RFLNA: variants seen among roughly 807,000 people sequenced by gnomAD.
The protein encoded by RFLNA is refilin-A.
Under a neutral mutation model 7.8 loss-of-function variants are expected in RFLNA, and 5 were observed. The observed-to-expected ratio is 0.64, with a 90% CI of 0.34 to 1.35. RFLNA has a LOEUF of 1.35. RFLNA is among the 40% of genes most tolerant of loss of function. The pLI is 0.04. For missense variants in RFLNA, 278 were observed against 305.5 expected, an observed-to-expected ratio of 0.91 and a Z score of 0.67; for synonymous variants, 141 against 131.3, an observed-to-expected ratio of 1.07 and a Z score of -0.50.
intron 1 of RFLNA, among the ~76,000 whole-genome samples, chr12:124,296,939 C>G (rs2033939745): frequency 6.6e-6 from 1 of 152,166 alleles, no homozygotes; most frequent in Admixed American, 6.5e-5. Context: ...TTTATGGGAG[C>G]CTGGCGGGTG....
At chr12:124,309,389 G>C (rs926086642) in intron 1 of RFLNA, among the ~76,000 whole-genome samples, 4 of 152,202 alleles carry the variant, frequency 2.6e-5, no homozygotes, top group African/African-American at 9.6e-5. Flanking sequence ...GCTGCGACGA[G>C]GCCAGGAGAG....
chr12:124,315,270 C>T lies in RFLNA; in HGVS notation c.*745C>T. 6.4e-6 allele frequency: 1 copy of T among 155,412 alleles called. No individual in the cohort carries two copies. Among genetic ancestry groups the T allele is most frequent in the South Asian group, 2.0e-4 (1 of 4,956 alleles). The allele number at this position is 155,412 out of a possible 1,614,324, so 9.6% of individuals were successfully genotyped here. A position where few individuals can be genotyped will look rare whatever the true frequency, so the allele number is the denominator to read the frequency against. ...GCCCGTCGAAATGGAAAGGTTGGTG[C>T]TCAGCCTCTGGAGCCTCACCTGCAG... On this transcript the variant is annotated 3_prime_UTR_variant, in exon 3 of 3. Transcript: ENST00000546355.
At chr12:124,292,690 G>A (rs141676788), upstream of RFLNA, among the ~76,000 whole-genome samples, 1,736 of 152,248 alleles carry the variant, frequency 0.011, 18 homozygotes, top group Middle Eastern at 0.024. Context: ...TATCCACACA[G>A]GGCAGCCTGT....
intron 1 of RFLNA, among the ~76,000 whole-genome samples, chr12:124,296,398 AC>A (rs1384819166): frequency 1.3e-5 from 2 of 150,024 alleles, no homozygotes; most frequent in Admixed American, 6.7e-5. Flanking sequence ...GAGACTGGGC[AC>A]CCCCCGGCAG....
intron 1 of RFLNA, among the ~76,000 whole-genome samples, chr12:124,299,783 T>A (rs1368844317): frequency 6.6e-6 from 1 of 152,124 alleles, no homozygotes; most frequent in Non-Finnish European, 1.5e-5. Flanking sequence ...TCACAGATAT[T>A]TAAAGCGGGG....
chr12:124,314,604 G>A lies in RFLNA; in HGVS notation c.*79G>A, dbSNP rs770331442. On this transcript the variant is annotated 3_prime_UTR_variant, in exon 3 of 3. Coordinates refer to ENST00000546355, the MANE Select transcript of RFLNA (RefSeq NM_001365156.1). ...CCGGGAGGATGGACACGATGAGCTC[G>A]GCCTGGCACTCGGGCAGGAGGCGGG... 28 of 1,533,908 alleles carry A rather than the reference G, an allele frequency of 1.8e-5. No individual in the cohort carries two copies. In the East Asian group the frequency reaches 3.2e-4, roughly 17 times the overall value.
chr12:124,299,983 A>G (rs772094917), intron 1 of RFLNA, among the ~76,000 whole-genome samples: 7 of 152,360 alleles, frequency 4.6e-5, no homozygotes, highest in South Asian at 2.1e-4. Flanking sequence ...TCCCTAAGTG[A>G]ATATGGGCAG....
At chr12:124,293,660 A>ACT (rs1392353985), upstream of RFLNA, among the ~76,000 whole-genome samples, 2 of 152,106 alleles carry the variant, frequency 1.3e-5, no homozygotes, top group African/African-American at 4.8e-5. Flanking sequence ...TGGGCAGCAG[A>ACT]CTTCCAGCGT....
chr12:124,314,689 T>A lies in RFLNA; in HGVS notation c.*164T>A. On this transcript the variant is annotated 3_prime_UTR_variant, in exon 3 of 3. Transcript: ENST00000546355. ...GGAGGCGGCTCCCCGCTGCCTGCCC[T>A]GACCTACAGGCTAGGTGGTGGTCTC... 1 of 1,139,764 alleles carries A rather than the reference T, an allele frequency of 8.8e-7. No individual in the cohort carries two copies. Among genetic ancestry groups the A allele is most frequent in the Non-Finnish European group, 1.3e-6 (1 of 785,584 alleles). The allele number at this position is 1,139,764 out of a possible 1,614,324, so 70.6% of individuals were successfully genotyped here.
upstream of RFLNA, among the ~76,000 whole-genome samples, chr12:124,293,128 T>C (rs934051766): frequency 6.6e-6 from 1 of 152,144 alleles, no homozygotes; most frequent in African/African-American, 2.4e-5. Flanking sequence ...AATTTCACCA[T>C]GTTGGCCAGG....
In RFLNA at chr12:124,306,087, C is replaced by T. The variant is rs1007905412; in HGVS notation, c.208-5731C>T. On this transcript the variant is annotated intron_variant, in intron 1 of 2. Transcript: ENST00000546355. This position sits in a 1 kb window ranked among gnomAD's most constrained non-coding sequence, Gnocchi z 5.2. ...GCCAAACTTGAGGACAGGTATGGGCCCATACTCGGGGCTCTCTGGGTTGGG... is the reference window on the plus strand; with the variant it reads ...GCCAAACTTGAGGACAGGTATGGGCTCATACTCGGGGCTCTCTGGGTTGGG... Among the ~76,000 whole-genome samples the T allele has an allele frequency of 2.6e-5, 4 of 152,052 alleles. No individual in the cohort carries two copies. The highest frequency in any genetic ancestry group is 7.2e-5 in the African/African-American group (3 of 41,382).
At chr12:124,310,500 GGAGGTGGA>G (rs2034223794) in intron 1 of RFLNA, among the ~76,000 whole-genome samples, 1 of 1,250 alleles carries the variant, frequency 8.0e-4, no homozygotes. Flanking sequence ...GTGGGGAGGG[GGAGGTGGA>G]CTGCAGGGAG....
upstream of RFLNA, among the ~76,000 whole-genome samples, chr12:124,293,022 C>T (rs997388045): frequency 5.3e-5 from 8 of 152,320 alleles, no homozygotes; most frequent in South Asian, 4.1e-4. Context: ...CTCCTGAGTT[C>T]AAGCAATTCT....
In RFLNA at chr12:124,310,191, A is replaced by AAAAAAAAAAAAAAAAAAAAAC. The variant is rs2034215684; in HGVS notation, c.208-1622_208-1621insAAAAAAAAAAAAAAACAAAAA. Reference sequence around the variant, plus strand: ...CTGTCTCAAAAAAAAAAAAAAAAAAAAAAAAGCCTTTAGAAACAGAGCCTC... The same window carrying AAAAAAAAAAAAAAAAAAAAAC: ...CTGTCTCAAAAAAAAAAAAAAAAAAAAAAAAAAAAAAAAAAAAAAACAAAAAGCCTTTAGAAACAGAGCCTC... On this transcript the variant is annotated intron_variant, in intron 1 of 2. Transcript: ENST00000546355. Among the ~76,000 whole-genome samples, 2 of 146,500 alleles carry AAAAAAAAAAAAAAAAAAAAAC rather than the reference A, an allele frequency of 1.4e-5. 1 individual carries two copies. Among genetic ancestry groups the AAAAAAAAAAAAAAAAAAAAAC allele is most frequent in the Non-Finnish European group, 3.0e-5 (2 of 66,240 alleles).
At chr12:124,300,750 GGATGGAT>G in intron 1 of RFLNA, among the ~76,000 whole-genome samples, 1 of 137,448 alleles carries the variant, frequency 7.3e-6, no homozygotes, top group Non-Finnish European at 1.5e-5. Flanking sequence ...ATGGATGGAT[GGATGGAT>G]GGATGGATGG....
chr12:124,302,342 G>A (rs746016793), intron 1 of RFLNA, among the ~76,000 whole-genome samples: 10 of 152,116 alleles, frequency 6.6e-5, no homozygotes, highest in African/African-American at 2.2e-4. Flanking sequence ...GAGCTGCGAC[G>A]TTCGAGTTTG....
chr12:124,296,857 T>C (rs986860457), intron 1 of RFLNA, among the ~76,000 whole-genome samples: 5 of 152,184 alleles, frequency 3.3e-5, no homozygotes, highest in African/African-American at 4.8e-5. Flanking sequence ...CCCTGGGTGA[T>C]TGTACTGTTC....
upstream of RFLNA, among the ~76,000 whole-genome samples, chr12:124,290,590 TTGTG>T (rs746650114): frequency 3.3e-5 from 5 of 152,170 alleles, no homozygotes; most frequent in African/African-American, 4.8e-5. The surrounding 1 kb of genome is among the most constrained non-coding windows in gnomAD (Gnocchi z 4.0). Context: ...ATATGTGTGC[TTGTG>T]TGTATGTGCA....
intron 1 of RFLNA, among the ~76,000 whole-genome samples, chr12:124,296,080 C>CTTTCTTTCTTTCTTTCTTTCTTTCTT (rs2033907729): frequency 1.9e-4 from 1 of 5,264 alleles, no homozygotes; most frequent in African/African-American, 3.3e-4. Context: ...CCTTTTCTTT[C>CTTTCTTTCTTTCTTTCTTTCTTTCTT]TTTCTTTCTT....
Sources: allele counts gnomAD v4.1 joint callset (sites outside exome capture counted in the v4.1 genomes callset), GRCh38; gene constraint gnomAD v4.1.1; non-coding constraint Gnocchi (gnomAD v3.1); transcripts MANE v1.5; gene names NCBI Gene and HGNC (gene_info 2026-07-23, HGNC 2026-07-21).